Variants in LGI1 observed in about 807,000 individuals in gnomAD.
LGI1 encodes leucine-rich glioma-inactivated protein 1.
LGI1 carries 11 observed loss-of-function variants against 57.7 expected under a neutral mutation model. That is an observed-to-expected ratio of 0.19 (90% CI 0.12 to 0.32). The LOEUF is 0.32. Among genes scored for constraint, LGI1 ranks in the 10% least tolerant of loss-of-function variants. The pLI is 1.00. For synonymous variants in LGI1, 222 were observed against 241.9 expected (o/e 0.92, Z 0.76); for missense variants, 422 against 661.9 (o/e 0.64, Z 3.98).
Position 93,758,712 on chromosome 10 carries a change from C to G in LGI1, c.216-48C>G, listed in dbSNP as rs571798374. The G allele has an allele frequency of 7.5e-7, 1 of 1,334,246 alleles. No individual in the cohort carries two copies. Among genetic ancestry groups the G allele is most frequent in the East Asian group, 2.3e-5 (1 of 43,536 alleles). The allele number at this position is 1,334,246 out of a possible 1,614,324, so 82.7% of individuals were successfully genotyped here. On this transcript the variant is annotated intron_variant, in intron 1 of 7. Coordinates refer to ENST00000371418, the MANE Select transcript of LGI1 (RefSeq NM_005097.4). The surrounding 1 kb of genome is among the most constrained non-coding windows in gnomAD (Gnocchi z 4.7). ...AGGTTTGTTCTGTGTGTGTGTGTCT[C>G]TTTGTGTGTGTCTGTTTGTTTGTTT...
At position 93,790,214 on chromosome 10, in the gene LGI1, G is replaced by C. The variant is rs12248097; in HGVS notation, c.503+44G>C. The C allele has an allele frequency of 0.018, 25,991 of 1,466,726 alleles. 2,457 individuals are homozygous for C. In the African/African-American group the frequency reaches 0.25, roughly 14 times the overall value. 90.9% of individuals were successfully genotyped at this position (1,466,726 alleles called of 1,614,324 possible). A position where few individuals can be genotyped will look rare whatever the true frequency, so the allele number is the denominator to read the frequency against. On this transcript the variant is annotated intron_variant, in intron 5 of 7. Transcript: ENST00000371418. ...TCACTGAACAATTAATTAATTTGCAGTCATTAACAAGGAAGCCTGGTATTG... is the reference window on the plus strand; with the variant it reads ...TCACTGAACAATTAATTAATTTGCACTCATTAACAAGGAAGCCTGGTATTG...
chr10:93,779,801 C>A (rs1444509858), intron 4 of LGI1, among the ~76,000 whole-genome samples: 1 of 152,152 alleles, frequency 6.6e-6, no homozygotes, highest in Non-Finnish European at 1.5e-5. Flanking sequence ...TGACTCTTAA[C>A]AGGCAGTGAA....
intron 4 of LGI1, chr10:93,789,094 T>C (rs1399795708): frequency 2.0e-5 from 3 of 152,180 alleles, no homozygotes; most frequent in Admixed American, 6.5e-5. Flanking sequence ...TCAGGACAAT[T>C]TTTTACTCAT....
chr10:93,781,920 GCTCAGCACT>G (rs2059850938), intron 4 of LGI1, among the ~76,000 whole-genome samples: 1 of 152,194 alleles, frequency 6.6e-6, no homozygotes, highest in Non-Finnish European at 1.5e-5. Context: ...TCCAATGGTT[GCTCAGCACT>G]GAGGGGGTAC....
At chr10:93,767,738 C>G (rs1375063176) in intron 2 of LGI1, 1 of 152,154 alleles carries the variant, frequency 6.6e-6, no homozygotes. Context: ...TCAGTAGGCT[C>G]TCTACCTGGT....
chr10:93,761,437 T>TG (rs1349088257), intron 2 of LGI1, among the ~76,000 whole-genome samples: 8 of 152,212 alleles, frequency 5.3e-5, no homozygotes, highest in African/African-American at 1.9e-4. Context: ...CTTGCTTTAT[T>TG]GTTGGGAAGG....
chr10:93,797,890 C>A lies in LGI1; in HGVS notation c.*87C>A. 1.1e-6 allele frequency: 1 copy of A among 919,216 alleles called. No homozygotes were observed. The highest frequency in any genetic ancestry group is 1.8e-6 in the Non-Finnish European group (1 of 562,762). The allele number at this position is 919,216 out of a possible 1,614,324, so 56.9% of individuals were successfully genotyped here. On this transcript the variant is annotated 3_prime_UTR_variant, in exon 8 of 8. Coordinates refer to ENST00000371418, the MANE Select transcript of LGI1 (RefSeq NM_005097.4). The surrounding 1 kb of genome is among the most constrained non-coding windows in gnomAD (Gnocchi z 6.5). Reference sequence around the variant, plus strand: ...ATGCATGATGACTCTTCTTATCACACTTGCAAATGAATGCCTTTCAAACAT... The same window carrying A: ...ATGCATGATGACTCTTCTTATCACAATTGCAAATGAATGCCTTTCAAACAT...
chr10:93,759,016 A>G (rs117730565), intron 2 of LGI1, 185 bp downstream of exon 2: 7 of 610,200 alleles, frequency 1.1e-5, no homozygotes, highest in Non-Finnish European at 2.0e-5. Context: ...GTTGATTCTT[A>G]CAATGGTAAA....
At chr10:93,774,735 A>G (rs1407329088) in intron 2 of LGI1, among the ~76,000 whole-genome samples, 1 of 152,158 alleles carries the variant, frequency 6.6e-6, no homozygotes, top group Non-Finnish European at 1.5e-5. Context: ...TTTTTTGTGT[A>G]GGTGGGGTGG....
intron 2 of LGI1, chr10:93,767,762 A>G (rs933504421): frequency 6.6e-6 from 1 of 152,160 alleles, no homozygotes; most frequent in African/African-American, 2.4e-5. Flanking sequence ...GCAATTTAGC[A>G]CACACCCCTT....
chr10:93,787,113 C>T (rs2059898207), intron 4 of LGI1, among the ~76,000 whole-genome samples: 1 of 152,194 alleles, frequency 6.6e-6, no homozygotes, highest in Admixed American at 6.5e-5. Flanking sequence ...CCTCTTGAGT[C>T]TGCTTCTCTT....
chr10:93,790,577 T>G (rs1241218195), intron 5 of LGI1: 1 of 179,244 alleles, frequency 5.6e-6, no homozygotes, highest in Non-Finnish European at 1.2e-5. Context: ...GTTACATCCT[T>G]GGGTTGGTCA....
At chr10:93,773,972 T>C (rs1318860731) in intron 2 of LGI1, among the ~76,000 whole-genome samples, 1 of 152,086 alleles carries the variant, frequency 6.6e-6, no homozygotes, top group Non-Finnish European at 1.5e-5. Context: ...GGTACATTGG[T>C]TTCATAAACC....
At chr10:93,796,920 C>A in intron 7 of LGI1, 48 bp from the exon 8 acceptor site, 1 of 1,469,226 alleles carries the variant, frequency 6.8e-7, no homozygotes, top group Non-Finnish European at 9.5e-7. Context: ...TTTACATGCT[C>A]CAAAAGAGGA....
At chr10:93,795,097 C>T (rs1443997745) in intron 7 of LGI1, among the ~76,000 whole-genome samples, 1 of 152,174 alleles carries the variant, frequency 6.6e-6, no homozygotes, top group Non-Finnish European at 1.5e-5. Context: ...GCTTTTCTTA[C>T]TTGTGTATGG....
At chr10:93,792,501 C>T (rs1466734366) in intron 5 of LGI1, 4 of 573,852 alleles carry the variant, frequency 7.0e-6, no homozygotes, top group Non-Finnish European at 1.3e-5. Context: ...TAGACTAAGC[C>T]GCTTTGGAAT....
intron 2 of LGI1, among the ~76,000 whole-genome samples, chr10:93,766,534 T>G (rs2133985855): frequency 6.8e-6 from 1 of 147,620 alleles, no homozygotes; most frequent in East Asian, 2.0e-4. Flanking sequence ...AGACGGAGTC[T>G]CGCTCTGTCC....
chr10:93,780,849 C>A (rs780791322), intron 4 of LGI1, among the ~76,000 whole-genome samples: 2 of 152,070 alleles, frequency 1.3e-5, no homozygotes, highest in East Asian at 1.9e-4. Context: ...AAACAGGAAA[C>A]CTACCCTCAT....
At chr10:93,781,314 A>C (rs1220915553) in intron 4 of LGI1, among the ~76,000 whole-genome samples, 1 of 152,072 alleles carries the variant, frequency 6.6e-6, no homozygotes, top group Non-Finnish European at 1.5e-5. Flanking sequence ...AGCCGAGATC[A>C]CGCCATTGCA....
Sources: allele counts gnomAD v4.1 joint callset (sites outside exome capture counted in the v4.1 genomes callset), GRCh38; gene constraint gnomAD v4.1.1; non-coding constraint Gnocchi (gnomAD v3.1); transcripts MANE v1.5; gene names NCBI Gene and HGNC (gene_info 2026-07-23, HGNC 2026-07-21).